Variants in GRM8 observed in about 807,000 individuals in gnomAD.
GRM8 encodes metabotropic glutamate receptor 8.
Under a neutral mutation model 87.2 loss-of-function variants are expected in GRM8, and 47 were observed. That is an observed-to-expected ratio of 0.54 (90% CI 0.43 to 0.69). The LOEUF is 0.69. Among genes scored for constraint, GRM8 ranks in the 30% least tolerant of loss-of-function variants. GRM8 has a pLI of 0.00. For synonymous variants in GRM8, 396 were observed against 404.5 expected (o/e 0.98, Z 0.25); for missense variants, 1,019 against 1,139.2 (o/e 0.89, Z 1.52).
At chr7:126,917,259 A>G (rs1208475520) in intron 3 of GRM8, among the ~76,000 whole-genome samples, 1 of 152,126 alleles carries the variant, frequency 6.6e-6, no homozygotes, top group Non-Finnish European at 1.5e-5. Flanking sequence ...TACAGGTGGA[A>G]GCCACCATGC....
At chr7:126,489,716 A>C (rs1236691106) in intron 9 of GRM8, among the ~76,000 whole-genome samples, 1 of 152,012 alleles carries the variant, frequency 6.6e-6, no homozygotes. Flanking sequence ...TTATGTGTTA[A>C]CTTAACTAGA....
chr7:127,089,342 C>T (rs1456153820), intron 3 of GRM8, among the ~76,000 whole-genome samples: 2 of 152,188 alleles, frequency 1.3e-5, no homozygotes, highest in Non-Finnish European at 2.9e-5. Flanking sequence ...GCCAGCCCTG[C>T]CTACACCTTG....
At chr7:126,802,798 A>T (rs1435511429) in intron 6 of GRM8, among the ~76,000 whole-genome samples, 1 of 152,234 alleles carries the variant, frequency 6.6e-6, no homozygotes, top group Non-Finnish European at 1.5e-5. Context: ...TTAAAGTTTT[A>T]AATTAGGAAA....
chr7:126,933,891 G>A (rs1806017944), intron 3 of GRM8, among the ~76,000 whole-genome samples: 1 of 152,152 alleles, frequency 6.6e-6, no homozygotes, highest in Non-Finnish European at 1.5e-5. Context: ...GCAGAGCTTA[G>A]TGAATACATG....
At chr7:126,512,101 A>G (rs1207259042) in intron 9 of GRM8, 4 of 152,110 alleles carry the variant, frequency 2.6e-5, no homozygotes, top group African/African-American at 9.7e-5. Context: ...AGAGAAACAT[A>G]GCAATTCAGA....
At chr7:126,507,194 C>T (rs12673357) in intron 9 of GRM8, among the ~76,000 whole-genome samples, 58,921 of 151,828 alleles carry the variant, frequency 0.39, 11,621 homozygotes, top group Middle Eastern at 0.43. Context: ...TTTTACTTTC[C>T]GCAAGTAATT....
intron 9 of GRM8, among the ~76,000 whole-genome samples, chr7:126,496,466 G>T (rs531844415): frequency 3.9e-5 from 6 of 152,080 alleles, no homozygotes; most frequent in African/African-American, 1.4e-4. Flanking sequence ...TTTTAGAAGA[G>T]AAGTTCTCAG....
rs1026626446 is a variant in GRM8 at position 127,101,974 on chromosome 7, T to C, written c.727+4522A>G. Among the ~76,000 whole-genome samples, 16 of 152,310 alleles carry C rather than the reference T, an allele frequency of 1.1e-4. 1 individual carries two copies. The highest frequency in any genetic ancestry group is 2.6e-4 in the African/African-American group (11 of 41,570). On this transcript the variant is annotated intron_variant, in intron 3 of 10. Coordinates refer to ENST00000339582, the MANE Select transcript of GRM8 (RefSeq NM_000845.3). ...AAATCCTGGCTGCTGAGGTCTCAGA[T>C]GGAAATGAGGGACTTACTGGAATCT... is the stretch of plus-strand genomic sequence containing the variant.
intron 6 of GRM8, among the ~76,000 whole-genome samples, chr7:126,787,171 G>A (rs1820707531): frequency 6.6e-6 from 1 of 152,160 alleles, no homozygotes. Context: ...ATTAATGACT[G>A]ATAATGCCCG....
At chr7:127,154,957 A>G (rs1164399807) in intron 2 of GRM8, among the ~76,000 whole-genome samples, 2 of 152,304 alleles carry the variant, frequency 1.3e-5, no homozygotes, top group African/African-American at 4.8e-5. Context: ...TTCATTCTCC[A>G]AATTCACAAA....
At chr7:126,536,734 ATTT>A (rs1299422765) in intron 8 of GRM8, among the ~76,000 whole-genome samples, 4 of 152,128 alleles carry the variant, frequency 2.6e-5, no homozygotes, top group Non-Finnish European at 5.9e-5. Flanking sequence ...AAGAAAATAC[ATTT>A]TTGAAGGTTA....
In GRM8 at chr7:126,927,383, C is replaced by T. The variant is rs149352936; in HGVS notation, c.728-22700G>A. ...AACTCCTGGCTTAAAGTAATCCTCC[C>T]TATTCAGCCTCCAAAAGTGGTGGGA... is the stretch of plus-strand genomic sequence containing the variant. On this transcript the variant is annotated intron_variant, in intron 3 of 10. Transcript: ENST00000339582. Among the ~76,000 whole-genome samples the T allele has an allele frequency of 1.3e-3, 197 of 152,210 alleles. 1 individual carries two copies. The highest frequency in any genetic ancestry group is 4.7e-3 in the African/African-American group (194 of 41,536).
At chr7:126,677,920 T>C (rs1218276730) in intron 7 of GRM8, among the ~76,000 whole-genome samples, 1 of 152,156 alleles carries the variant, frequency 6.6e-6, no homozygotes, top group Non-Finnish European at 1.5e-5. Flanking sequence ...GGAACAACTC[T>C]CATCTCCTAT....
At chr7:126,652,391 T>G (rs1191209697) in intron 7 of GRM8, among the ~76,000 whole-genome samples, 1 of 152,176 alleles carries the variant, frequency 6.6e-6, no homozygotes, top group Non-Finnish European at 1.5e-5. Flanking sequence ...GAGTGTCAAC[T>G]TGATTGGATT....
chr7:127,218,140 T>C (rs1796687591), intron 2 of GRM8, among the ~76,000 whole-genome samples: 1 of 152,236 alleles, frequency 6.6e-6, no homozygotes, highest in African/African-American at 2.4e-5. Flanking sequence ...TTAGCTTCGC[T>C]CTGTTCCAGG....
At chr7:126,893,773 T>TCGG (rs1801286166) in intron 6 of GRM8, among the ~76,000 whole-genome samples, 2 of 152,002 alleles carry the variant, frequency 1.3e-5, no homozygotes, top group Non-Finnish European at 2.9e-5. Context: ...TCAAGACTCT[T>TCGG]CGGTAGTCTT....
chr7:126,636,225 C>T (rs1801838922), intron 7 of GRM8, among the ~76,000 whole-genome samples: 1 of 151,874 alleles, frequency 6.6e-6, no homozygotes, highest in Middle Eastern at 3.2e-3. Flanking sequence ...ATATAAAATA[C>T]ATATTTTGTA....
At chr7:126,888,735 G>C (rs1800723889) in intron 6 of GRM8, among the ~76,000 whole-genome samples, 1 of 152,106 alleles carries the variant, frequency 6.6e-6, no homozygotes, top group Non-Finnish European at 1.5e-5. Context: ...ATCTGGGTAG[G>C]AGACAGGTGC....
chr7:126,682,326 C>G (rs762637204), intron 7 of GRM8, among the ~76,000 whole-genome samples: 28 of 152,190 alleles, frequency 1.8e-4, no homozygotes, highest in Non-Finnish European at 3.7e-4. Flanking sequence ...CAGCTGTCCT[C>G]TATTTAAGAC....
Sources: allele counts gnomAD v4.1 joint callset (sites outside exome capture counted in the v4.1 genomes callset), GRCh38; gene constraint gnomAD v4.1.1; transcripts MANE v1.5; gene names NCBI Gene and HGNC (gene_info 2026-07-23, HGNC 2026-07-21).